SLC22A23: variants seen among roughly 807,000 people sequenced by gnomAD.
The protein encoded by SLC22A23 is ion transporter protein.
Under a neutral mutation model 61.0 loss-of-function variants are expected in SLC22A23, and 26 were observed. The ratio of observed to expected loss-of-function variants is 0.43; its 90% CI spans 0.31 to 0.59. The LOEUF is 0.59. Among genes scored for constraint, SLC22A23 ranks in the 20% least tolerant of loss-of-function variants. The pLI is 0.11. For missense variants in SLC22A23, 796 were observed against 934.7 expected, an observed-to-expected ratio of 0.85 and a Z score of 1.94; for synonymous variants, 430 against 413.9, an observed-to-expected ratio of 1.04 and a Z score of -0.47.
chr6:3,348,836 G>C (rs1048614944), intron 3 of SLC22A23, among the ~76,000 whole-genome samples: 1 of 152,208 alleles, frequency 6.6e-6, no homozygotes, highest in Non-Finnish European at 1.5e-5. Flanking sequence ...CCCAGCCAAC[G>C]GACCGGGTCC....
intron 3 of SLC22A23, among the ~76,000 whole-genome samples, chr6:3,336,011 C>G (rs1489510914): frequency 6.6e-6 from 1 of 151,968 alleles, no homozygotes; most frequent in Non-Finnish European, 1.5e-5. Flanking sequence ...ATGGCGTGAA[C>G]CCAGGAGGTG....
chr6:3,321,362 T>G (rs1300288774), intron 4 of SLC22A23, among the ~76,000 whole-genome samples: 1 of 152,072 alleles, frequency 6.6e-6, no homozygotes, highest in Non-Finnish European at 1.5e-5. Flanking sequence ...ACCGCCATCC[T>G]CATGCACACA....
rs556934541 is a variant in SLC22A23 at position 3,286,343 on chromosome 6, G to A, written c.1546+516C>T. Among the ~76,000 whole-genome samples, 2 of 152,116 alleles carry A rather than the reference G, an allele frequency of 1.3e-5. No individual in the cohort carries two copies. Among genetic ancestry groups the A allele is most frequent in the African/African-American group, 4.8e-5 (2 of 41,484 alleles). ...GTTTGAACTCCTGACCTCATGATCC[G>A]ACCGCCTCAGCCTCCCAAAGTGCTG... On this transcript the variant is annotated intron_variant, in intron 7 of 9. Transcript: ENST00000406686. This position sits in a 1 kb window ranked among gnomAD's most constrained non-coding sequence, Gnocchi z 4.2.
intron 1 of SLC22A23, among the ~76,000 whole-genome samples, chr6:3,416,604 T>C (rs567904832): frequency 6.6e-6 from 1 of 152,372 alleles, no homozygotes; most frequent in East Asian, 1.9e-4. Flanking sequence ...AAACCCCTGT[T>C]TGTTCCCTCT....
intron 4 of SLC22A23, among the ~76,000 whole-genome samples, chr6:3,299,871 T>G (rs938869451): frequency 3.3e-5 from 5 of 152,218 alleles, no homozygotes; most frequent in Non-Finnish European, 1.5e-5. Flanking sequence ...CCTAGCTTCT[T>G]GTAGCCCTCA....
chr6:3,430,562 A>G (rs147735995), intron 1 of SLC22A23, among the ~76,000 whole-genome samples: 4 of 152,234 alleles, frequency 2.6e-5, no homozygotes, highest in Non-Finnish European at 5.9e-5. Context: ...ATTGAGTGCC[A>G]CACCCCAAGG....
rs1030128817 is a variant in SLC22A23 at position 3,308,896 on chromosome 6, T to G, written c.1083-10678A>C. 4.6e-5 allele frequency among the ~76,000 whole-genome samples: 7 copies of G among 151,674 alleles called. No homozygotes were observed. Among genetic ancestry groups the G allele is most frequent in the African/African-American group, 1.7e-4 (7 of 41,238 alleles). ...AGGCAGAGGTTGCAGTGAGCCGAGA[T>G]TGTGCCACTGCACTCCAGCCTGGGC... On this transcript the variant is annotated intron_variant, in intron 4 of 9. Transcript: ENST00000406686. The surrounding 1 kb of genome is among the most constrained non-coding windows in gnomAD (Gnocchi z 5.1).
In SLC22A23 at chr6:3,342,920, G is replaced by A. The variant is rs1345280148; in HGVS notation, c.914-18918C>T. Among the ~76,000 whole-genome samples the A allele has an allele frequency of 2.0e-5, 3 of 152,158 alleles. No individual in the cohort carries two copies. Among genetic ancestry groups the A allele is most frequent in the African/African-American group, 7.2e-5 (3 of 41,430 alleles). On this transcript the variant is annotated intron_variant, in intron 3 of 9. Coordinates refer to ENST00000406686, the MANE Select transcript of SLC22A23 (RefSeq NM_015482.2). The surrounding 1 kb of genome is among the most constrained non-coding windows in gnomAD (Gnocchi z 4.0). ...GGCTTTATATACCATCCTAATGCAGGGAAGGGGTTAGGATTTCAAGAGACA... is the reference window on the plus strand; with the variant it reads ...GGCTTTATATACCATCCTAATGCAGAGAAGGGGTTAGGATTTCAAGAGACA...
rs1762711905 is a variant in SLC22A23, at chr6:3,317,532, G to C, written c.1082+6302C>G. 6.6e-6 allele frequency among the ~76,000 whole-genome samples: 1 copy of C among 152,106 alleles called. No individual in the cohort carries two copies. The highest frequency in any genetic ancestry group is 6.5e-5 in the Admixed American group (1 of 15,270). On this transcript the variant is annotated intron_variant, in intron 4 of 9. Transcript: ENST00000406686. The surrounding 1 kb of genome is among the most constrained non-coding windows in gnomAD (Gnocchi z 4.4). ...CTTCCCCGCCAACCCCTCGTTGTTGGCTGTGACCCTGGAAGGATTTCATGT... is the reference window on the plus strand; with the variant it reads ...CTTCCCCGCCAACCCCTCGTTGTTGCCTGTGACCCTGGAAGGATTTCATGT...
chr6:3,289,392 G>A (rs540474017), intron 6 of SLC22A23, among the ~76,000 whole-genome samples: 172 of 152,374 alleles, frequency 1.1e-3, no homozygotes, highest in African/African-American at 4.0e-3. Context: ...CCGGCTACAG[G>A]CAGGGGCCAA....
intron 3 of SLC22A23, among the ~76,000 whole-genome samples, chr6:3,398,707 G>A (rs1443408267): frequency 6.6e-6 from 1 of 151,784 alleles, no homozygotes; most frequent in Non-Finnish European, 1.5e-5. Flanking sequence ...CTTGACGTTG[G>A]TTTCTAGTGG....
At chr6:3,315,721 A>G (rs1460687832) in intron 4 of SLC22A23, among the ~76,000 whole-genome samples, 1 of 152,058 alleles carries the variant, frequency 6.6e-6, no homozygotes, top group Admixed American at 6.5e-5. Context: ...AAAATTAGCC[A>G]GGCGTGGTGG....
At chr6:3,315,859 G>A (rs915848146) in intron 4 of SLC22A23, among the ~76,000 whole-genome samples, 12 of 142,230 alleles carry the variant, frequency 8.4e-5, no homozygotes, top group African/African-American at 1.8e-4. Context: ...GTGAGAATCC[G>A]TCTCAAAAAA....
At chr6:3,432,468 G>A (rs1467694404) in intron 1 of SLC22A23, 3 of 890,862 alleles carry the variant, frequency 3.4e-6, no homozygotes, top group African/African-American at 3.6e-5. Context: ...CCAGGCAGAG[G>A]GAGGACTTCC....
At chr6:3,310,883 GA>G (rs1243921907) in intron 4 of SLC22A23, among the ~76,000 whole-genome samples, 3 of 152,190 alleles carry the variant, frequency 2.0e-5, no homozygotes, top group South Asian at 2.1e-4. Flanking sequence ...GAAAATACAG[GA>G]AGGAAATAAG....
chr6:3,401,792 GTAA>G, intron 3 of SLC22A23, among the ~76,000 whole-genome samples: 1 of 152,260 alleles, frequency 6.6e-6, no homozygotes, highest in East Asian at 1.9e-4. Context: ...CTCAGCTCTG[GTAA>G]CCTTTAGTTG....
At chr6:3,364,960 C>G (rs570680275) in intron 3 of SLC22A23, among the ~76,000 whole-genome samples, 1 of 152,202 alleles carries the variant, frequency 6.6e-6, no homozygotes, top group East Asian at 1.9e-4. Flanking sequence ...CCCAGGGAGC[C>G]AAGGGGACAT....
intron 4 of SLC22A23, among the ~76,000 whole-genome samples, chr6:3,299,557 AGT>A (rs1183759572): frequency 3.3e-5 from 5 of 152,238 alleles, no homozygotes; most frequent in Non-Finnish European, 7.3e-5. Context: ...CAAAAAAACT[AGT>A]GTTTTATTAT....
intron 3 of SLC22A23, among the ~76,000 whole-genome samples, chr6:3,357,051 A>G (rs1581742739): frequency 9.1e-6 from 1 of 109,758 alleles, no homozygotes; most frequent in Admixed American, 9.5e-5. Context: ...AAACCAAAAC[A>G]GAGCCAAAAA....
Sources: allele counts gnomAD v4.1 joint callset (sites outside exome capture counted in the v4.1 genomes callset), GRCh38; gene constraint gnomAD v4.1.1; non-coding constraint Gnocchi (gnomAD v3.1); transcripts MANE v1.5; gene names NCBI Gene and HGNC (gene_info 2026-07-23, HGNC 2026-07-21).